Variants in SEMA6D observed in about 807,000 individuals in gnomAD.
SEMA6D encodes semaphorin 6D.
A neutral mutation model predicts 106.6 loss-of-function variants in SEMA6D; 35 were observed. That is an observed-to-expected ratio of 0.33 (90% CI 0.25 to 0.44). SEMA6D has a LOEUF of 0.44. Ranked by LOEUF, SEMA6D falls within the 20% of genes least tolerant of loss-of-function variation. SEMA6D has a pLI of 1.00. For synonymous variants in SEMA6D, 499 were observed against 487.7 expected, an observed-to-expected ratio of 1.02 and a Z score of -0.31; for missense variants, 1,185 against 1,345.9, an observed-to-expected ratio of 0.88 and a Z score of 1.87.
intron 1 of SEMA6D, among the ~76,000 whole-genome samples, chr15:47,250,123 A>AT (rs1202504589): frequency 6.6e-6 from 1 of 152,204 alleles, no homozygotes; most frequent in African/African-American, 2.4e-5. Flanking sequence ...ACTTTGTCAG[A>AT]TTTTTACTGG....
chr15:47,425,138 T>G (rs1015658296), intron 2 of SEMA6D, among the ~76,000 whole-genome samples: 29 of 152,116 alleles, frequency 1.9e-4, no homozygotes, highest in African/African-American at 6.5e-4. Flanking sequence ...TTGAAAAGTC[T>G]GTCATATTGT....
At chr15:47,598,016 G>C (rs538566732) in intron 3 of SEMA6D, among the ~76,000 whole-genome samples, 2 of 151,886 alleles carry the variant, frequency 1.3e-5, no homozygotes, top group South Asian at 4.2e-4. Flanking sequence ...TTAAATGATG[G>C]ATGAAATAAA....
intron 1 of SEMA6D, among the ~76,000 whole-genome samples, chr15:47,363,861 G>A (rs1222571012): frequency 2.6e-5 from 4 of 152,142 alleles, no homozygotes; most frequent in African/African-American, 4.8e-5. Context: ...TAATCATGGC[G>A]GAAGGCGAAG....
At chr15:47,765,584 C>A in intron 13 of SEMA6D, 1 of 545,742 alleles carries the variant, frequency 1.8e-6, no homozygotes, top group Non-Finnish European at 2.6e-6. Flanking sequence ...CATTAAAGCA[C>A]GATCCTTTTT....
intron 1 of SEMA6D, among the ~76,000 whole-genome samples, chr15:47,313,789 C>CT (rs2036535705): frequency 6.6e-6 from 1 of 152,182 alleles, no homozygotes; most frequent in African/African-American, 2.4e-5. Context: ...CTCTCAAACT[C>CT]TTGGCTTCAA....
chr15:47,307,247 G>C (rs1184920917), intron 1 of SEMA6D, among the ~76,000 whole-genome samples: 2 of 152,140 alleles, frequency 1.3e-5, no homozygotes, highest in Non-Finnish European at 2.9e-5. Flanking sequence ...TGTTGTTACT[G>C]CACATTCATA....
chr15:47,275,421 T>C (rs550791531), intron 1 of SEMA6D, among the ~76,000 whole-genome samples: 1 of 152,296 alleles, frequency 6.6e-6, no homozygotes, highest in East Asian at 1.9e-4. Context: ...TGAACAAGTT[T>C]ATCAGTGCAA....
At chr15:47,651,236 C>T (rs992876164) in intron 4 of SEMA6D, among the ~76,000 whole-genome samples, 1 of 151,968 alleles carries the variant, frequency 6.6e-6, no homozygotes, top group Non-Finnish European at 1.5e-5. Flanking sequence ...AGAGCAAGAT[C>T]CCATGTTTAA....
chr15:47,376,129 TATAACACCTGA>T (rs1168688485), intron 1 of SEMA6D, among the ~76,000 whole-genome samples: 3 of 152,226 alleles, frequency 2.0e-5, no homozygotes, highest in African/African-American at 7.2e-5. Flanking sequence ...AAAACAGCTC[TATAACACCTGA>T]TCAGTTATTT....
chr15:47,596,363 C>CA (rs2076535820), intron 3 of SEMA6D, among the ~76,000 whole-genome samples: 1 of 151,916 alleles, frequency 6.6e-6, no homozygotes, highest in Non-Finnish European at 1.5e-5. Flanking sequence ...CTACTCAAAG[C>CA]AATATATAGA....
chr15:47,288,200 C>T (rs997174632), intron 1 of SEMA6D, among the ~76,000 whole-genome samples: 1 of 152,176 alleles, frequency 6.6e-6, no homozygotes, highest in African/African-American at 2.4e-5. Context: ...TAACAAGTCT[C>T]ATGTCTGTCC....
intron 1 of SEMA6D, among the ~76,000 whole-genome samples, chr15:47,253,019 G>A (rs1040121457): frequency 2.0e-5 from 3 of 151,852 alleles, no homozygotes; most frequent in Non-Finnish European, 2.9e-5. Flanking sequence ...CACACCAACA[G>A]TCAAGGATTC....
chr15:47,418,920 C>T (rs192532606), intron 2 of SEMA6D, among the ~76,000 whole-genome samples: 29 of 152,174 alleles, frequency 1.9e-4, no homozygotes, highest in Non-Finnish European at 3.5e-4. Flanking sequence ...CATTAGACTG[C>T]GTAAGTGCAA....
At chr15:47,720,905 G>T (rs1455614087) in intron 1 of SEMA6D, among the ~76,000 whole-genome samples, 2 of 152,202 alleles carry the variant, frequency 1.3e-5, no homozygotes, top group Non-Finnish European at 2.9e-5. Flanking sequence ...CTAACCATTA[G>T]TAGTGTAACC....
intron 1 of SEMA6D, among the ~76,000 whole-genome samples, chr15:47,740,463 T>C (rs938501587): frequency 2.6e-5 from 4 of 151,722 alleles, no homozygotes; most frequent in Non-Finnish European, 5.9e-5. Flanking sequence ...GAGGCTGCAG[T>C]GAGCCAAGAT....
Position 47,513,094 on chromosome 15 carries a change from A to T in SEMA6D, c.-87+42549A>T, listed in dbSNP as rs150465113. ...GTATAGGTAAATTCATGGATGAAAGACCCAGAGTGAACTATTAATGGAAAT... is the reference window on the plus strand; with the variant it reads ...GTATAGGTAAATTCATGGATGAAAGTCCCAGAGTGAACTATTAATGGAAAT... On this transcript the variant is annotated intron_variant, in intron 3 of 19. Transcript: ENST00000558014. Among the ~76,000 whole-genome samples the T allele has an allele frequency of 6.1e-3, 927 of 152,204 alleles. 10 individuals carry two copies. Among genetic ancestry groups the T allele is most frequent in the African/African-American group, 0.02 (850 of 41,524 alleles).
intron 1 of SEMA6D, among the ~76,000 whole-genome samples, chr15:47,257,034 A>G (rs1463259759): frequency 6.6e-6 from 1 of 151,064 alleles, no homozygotes; most frequent in Non-Finnish European, 1.5e-5. Flanking sequence ...AGTATTAGGT[A>G]GAATAACAGT....
rs371089902 is a variant in SEMA6D, at chr15:47,763,086, A to G, written c.729A>G (p.Glu243=). The change falls in exon 9 of 19, where the codon GAA becomes GAG. Residue 243 remains glutamate (E), a synonymous_variant. Transcript: ENST00000536845. ...TCTTCTTTCGAGAAATCGCTGTCGAACATAATAATTTAGGCAAGGCAAGTA... is the reference window on the plus strand; with the variant it reads ...TCTTCTTTCGAGAAATCGCTGTCGAGCATAATAATTTAGGCAAGGCAAGTA... ...VYFFFREIAV[E]HNNLGKAVYS... 1.2e-6 allele frequency: 2 copies of G among 1,612,306 alleles called. No homozygotes were observed. Among genetic ancestry groups the G allele is most frequent in the African/African-American group, 2.7e-5 (2 of 74,862 alleles).
chr15:47,208,049 A>T (rs1449437890), intron 1 of SEMA6D, among the ~76,000 whole-genome samples: 1 of 143,130 alleles, frequency 7.0e-6, no homozygotes, highest in Admixed American at 7.0e-5. Flanking sequence ...ACACACACAC[A>T]CTACTGTAAC....
Sources: allele counts gnomAD v4.1 joint callset (sites outside exome capture counted in the v4.1 genomes callset), GRCh38; gene constraint gnomAD v4.1.1; transcripts MANE v1.5; gene names NCBI Gene and HGNC (gene_info 2026-07-23, HGNC 2026-07-21).